The following LRRC49 variants were observed in gnomAD, a reference collection of about 807,000 sequenced individuals.
The protein encoded by LRRC49 is leucine rich repeat containing 49.
In LRRC49, 50 loss-of-function variants were observed where a neutral mutation model predicts 83.3. That is an observed-to-expected ratio of 0.60 (90% confidence interval 0.48 to 0.76). The LOEUF is 0.76. Among genes scored for constraint, LRRC49 ranks in the 30% least tolerant of loss-of-function variants. LRRC49 has a pLI of 0.00. For synonymous variants in LRRC49, 286 were observed against 283.3 expected, an observed-to-expected ratio of 1.01 and a Z score of -0.10; for missense variants, 704 against 809.1, an observed-to-expected ratio of 0.87 and a Z score of 1.58.
At chr15:70,897,205 G>A (rs1424423036) in intron 3 of LRRC49, among the ~76,000 whole-genome samples, 1 of 152,110 alleles carries the variant, frequency 6.6e-6, no homozygotes, top group Non-Finnish European at 1.5e-5. Flanking sequence ...CGGCTGGCCA[G>A]GCAAACTTAT....
intron 9 of LRRC49, among the ~76,000 whole-genome samples, chr15:70,971,321 G>A (rs1435132483): frequency 6.6e-6 from 1 of 152,074 alleles, no homozygotes; most frequent in African/African-American, 2.4e-5. Flanking sequence ...GAGTTCTAAC[G>A]TGATTGCACT....
intron 2 of LRRC49, among the ~76,000 whole-genome samples, chr15:70,874,251 A>AC: frequency 6.6e-6 from 1 of 152,082 alleles, no homozygotes; most frequent in East Asian, 1.9e-4. Flanking sequence ...ATATCTGCAA[A>AC]CCCATCCCTG....
intron 8 of LRRC49, among the ~76,000 whole-genome samples, chr15:70,940,354 TCATGG>T (rs924991821): frequency 3.6e-4 from 54 of 151,472 alleles, no homozygotes; most frequent in African/African-American, 1.3e-3. Flanking sequence ...CCTCCTGGGT[TCATGG>T]CATTCTCCTG....
intron 1 of LRRC49, among the ~76,000 whole-genome samples, chr15:70,870,662 G>T (rs2033007552): frequency 6.6e-6 from 1 of 152,056 alleles, no homozygotes; most frequent in South Asian, 2.1e-4. Flanking sequence ...AGCTAATTTT[G>T]TATTTTTAGT....
At chr15:70,871,221 T>C (rs1312790775) in intron 1 of LRRC49, among the ~76,000 whole-genome samples, 1 of 152,008 alleles carries the variant, frequency 6.6e-6, no homozygotes, top group East Asian at 1.9e-4. Flanking sequence ...CTTAATCCAT[T>C]TAACCCTGAG....
intron 8 of LRRC49, among the ~76,000 whole-genome samples, chr15:70,939,921 A>T (rs912840846): frequency 6.9e-6 from 1 of 144,118 alleles, no homozygotes; most frequent in Non-Finnish European, 1.5e-5. Flanking sequence ...TACATATGTT[A>T]GTACATATAG....
At chr15:70,858,962 C>T (rs1375388561) in intron 1 of LRRC49, 4 of 830,316 alleles carry the variant, frequency 4.8e-6, no homozygotes, top group Non-Finnish European at 6.4e-6. Flanking sequence ...TGGACCCCAA[C>T]ATCCAGGCTC....
At chr15:70,868,251 GC>G (rs1305497152) in intron 1 of LRRC49, among the ~76,000 whole-genome samples, 1 of 152,200 alleles carries the variant, frequency 6.6e-6, no homozygotes, top group Non-Finnish European at 1.5e-5. Context: ...TTCTATTGGG[GC>G]TAAATGATAT....
chr15:70,867,988 A>T (rs538087668), intron 1 of LRRC49, among the ~76,000 whole-genome samples: 21 of 152,230 alleles, frequency 1.4e-4, no homozygotes, highest in African/African-American at 4.8e-4. Context: ...GTTTCTGGGT[A>T]TTAGCTGTCA....
intron 11 of LRRC49, among the ~76,000 whole-genome samples, chr15:70,990,202 C>T (rs2037811107): frequency 1.3e-5 from 2 of 152,194 alleles, no homozygotes; most frequent in Admixed American, 6.5e-5. Context: ...GAGGTTACTG[C>T]TGTCTTTTTG....
chr15:70,871,927 G>A (rs2033054093), intron 1 of LRRC49, among the ~76,000 whole-genome samples: 1 of 151,452 alleles, frequency 6.6e-6, no homozygotes, highest in African/African-American at 2.4e-5. Flanking sequence ...CGGCCGGGCA[G>A]AGGGGCTCCT....
intron 14 of LRRC49, among the ~76,000 whole-genome samples, chr15:71,024,182 G>A (rs1010212): frequency 1.3e-5 from 2 of 152,232 alleles, no homozygotes; most frequent in African/African-American, 4.8e-5. Context: ...TCTCCTGCTG[G>A]CTCTGAGGTA....
chr15:70,880,645 C>G (rs2033244808), intron 2 of LRRC49, among the ~76,000 whole-genome samples: 1 of 151,602 alleles, frequency 6.6e-6, no homozygotes, highest in Admixed American at 6.6e-5. Flanking sequence ...GAAACATACA[C>G]AATAAATTAT....
In LRRC49 at chr15:70,893,708, CTT is replaced by C. The variant is rs1335651553; in HGVS notation, c.105+69_105+70del. The C allele has an allele frequency of 3.3e-6, 4 of 1,218,342 alleles. No homozygotes were observed. In the African/African-American group the frequency reaches 6.0e-5, roughly 18 times the overall value. 75.5% of individuals were successfully genotyped at this position (1,218,342 alleles called of 1,614,324 possible). On this transcript the variant is annotated intron_variant, in intron 2 of 15. Transcript: ENST00000260382. ...AAATTCTACACAAATAGCAGCATGA[CTT>C]AAAGTGTAGATAGATTCTAAACTGA...
intron 9 of LRRC49, among the ~76,000 whole-genome samples, chr15:70,978,050 T>C (rs1475315187): frequency 1.3e-5 from 2 of 152,136 alleles, no homozygotes; most frequent in African/African-American, 2.4e-5. Context: ...AATTATTTAA[T>C]CTAGGTTTTT....
intron 7 of LRRC49, among the ~76,000 whole-genome samples, chr15:70,932,808 C>T (rs985546010): frequency 6.9e-6 from 1 of 144,758 alleles, no homozygotes; most frequent in Non-Finnish European, 1.5e-5. Flanking sequence ...CGGCTAACTG[C>T]AACCTCCGCC....
chr15:70,932,572 A>G (rs2035446377), intron 7 of LRRC49, among the ~76,000 whole-genome samples: 1 of 152,118 alleles, frequency 6.6e-6, no homozygotes, highest in African/African-American at 2.4e-5. Context: ...GTTGCATGTC[A>G]GAATCCTTGG....
chr15:70,892,121 G>A (rs777488982), upstream of LRRC49: 5 of 1,613,792 alleles, frequency 3.1e-6, no homozygotes, highest in South Asian at 1.1e-5. Flanking sequence ...GCAGATGACC[G>A]AGCGGTCATT....
intron 1 of LRRC49, among the ~76,000 whole-genome samples, chr15:70,871,221 T>G (rs1312790775): frequency 6.6e-6 from 1 of 152,008 alleles, no homozygotes; most frequent in African/African-American, 2.4e-5. Context: ...CTTAATCCAT[T>G]TAACCCTGAG....
Sources: allele counts gnomAD v4.1 joint callset (sites outside exome capture counted in the v4.1 genomes callset), GRCh38; gene constraint gnomAD v4.1.1; transcripts MANE v1.5; gene names NCBI Gene and HGNC (gene_info 2026-07-23, HGNC 2026-07-21).